The following GMIP variants were observed in gnomAD, a reference collection of about 807,000 sequenced individuals.
GMIP encodes GEM-interacting protein.
Under a neutral mutation model 105.3 loss-of-function variants are expected in GMIP, and 54 were observed. The observed-to-expected ratio is 0.51, with a 90% CI of 0.41 to 0.64. The LOEUF is 0.64. Among genes scored for constraint, GMIP ranks in the 30% least tolerant of loss-of-function variants. GMIP has a pLI of 0.00. For synonymous variants in GMIP, 541 were observed against 560.8 expected (o/e 0.96, Z 0.50); for missense variants, 1,110 against 1,319.4 (o/e 0.84, Z 2.46).
At position 19,633,992 on chromosome 19, in the gene GMIP, C is replaced by T. The variant is rs1259153181; in HGVS notation, c.2283G>A (p.Glu761=). Residue 761 remains glutamate, a synonymous_variant, in exon 19 of 21, where the codon GAG becomes GAA. Transcript: ENST00000203556. ...VHYEQIFGMD[E]LPQATEPPPQ... is the part of the protein sequence containing the mutation. ...GCGGGGGCTCAGTGGCCTGGGGGAG[C>T]TCATCCATCCCAAAGATCTGCTCGT... 5 of 1,603,320 alleles carry T rather than the reference C, an allele frequency of 3.1e-6. No individual in the cohort carries two copies. In the African/African-American group the frequency reaches 4.0e-5, roughly 13 times the overall value.
chr19:19,642,466 A>T, intron 2 of GMIP, 69 bp downstream of exon 2: 1 of 915,012 alleles, frequency 1.1e-6, no homozygotes, highest in East Asian at 2.4e-5. Flanking sequence ...TGGGACTGCA[A>T]GGCACCTAAA....
At chr19:19,642,296 T>A (rs1316594014) in intron 2 of GMIP, among the ~76,000 whole-genome samples, 2 of 151,876 alleles carry the variant, frequency 1.3e-5, no homozygotes, top group African/African-American at 2.4e-5. Flanking sequence ...ATCGCAAATA[T>A]TTTAAGGGGT....
chr19:19,636,988 G>A lies in GMIP; in HGVS notation c.1166C>T (p.Pro389Leu). ...DIRKKLSGPLPPRLDENSAEP... is the reference protein window; with the variant it reads ...DIRKKLSGPLLPRLDENSAEP... ...AGCTGAATTCTCATCCAGCCTTGGA[G>A]GAAGAGGCCCAGAGAGCTTCTTTCT... Residue 389 changes from proline (P) to leucine (L), a missense_variant, in exon 12 of 21, where the codon CCT becomes CTT. Physicochemically the swap from Pro to Leu is moderately conservative, Grantham distance 98. This residue lies in a region of GMIP where 667 missense variants were observed against 773.2 expected (regional missense o/e 0.86). Transcript: ENST00000203556. The A allele has an allele frequency of 1.3e-6, 2 of 1,582,324 alleles. No homozygotes were observed. Among genetic ancestry groups the A allele is most frequent in the Non-Finnish European group, 8.6e-7 (1 of 1,163,224 alleles).
Position 19,633,936 on chromosome 19 carries a change from AG to A in GMIP, c.2338del (p.Leu780SerfsTer21). ...GGGTGGCGGTTGGGAGCTGGTTGTG[AG>A]GGGCCCAGGGGCTGGGCTGGAGTCT... Reference protein sequence around the residue: ...PQDSSPAPGPLTTSSQPPPPH... With the variant: ...PQDSSPAPGPXTTSSQPPPPH... On this transcript the variant is annotated frameshift_variant, in exon 19 of 21. Transcript: ENST00000203556. LOFTEE classifies it high-confidence loss of function. 7.3e-7 allele frequency: 1 copy of A among 1,378,102 alleles called. No homozygotes were observed. Among genetic ancestry groups the A allele is most frequent in the Non-Finnish European group, 9.5e-7 (1 of 1,048,252 alleles). 85.4% of individuals were successfully genotyped at this position (1,378,102 alleles called of 1,614,324 possible).
chr19:19,637,566 C>G lies in GMIP; in HGVS notation c.928-5G>C. The G allele has an allele frequency of 6.6e-7, 1 of 1,514,590 alleles. No individual in the cohort carries two copies. Among genetic ancestry groups the G allele is most frequent in the South Asian group, 1.2e-5 (1 of 80,906 alleles). The allele number at this position is 1,514,590 out of a possible 1,614,324, so 93.8% of individuals were successfully genotyped here. On this transcript the variant is annotated splice_polypyrimidine_tract_variant and splice_region_variant and intron_variant, in intron 10 of 20. Transcript: ENST00000203556. This position sits in a 1 kb window ranked among gnomAD's most constrained non-coding sequence, Gnocchi z 6.7. Reference sequence around the variant, plus strand: ...CCCGAAGAGACTCAGCGTCACCTGCCGGGTGGAGACAGCAGGTTGGGGAGG... The same window carrying G: ...CCCGAAGAGACTCAGCGTCACCTGCGGGGTGGAGACAGCAGGTTGGGGAGG...
rs1025916263 is a variant in GMIP, at chr19:19,637,817, G to A, written c.927+103C>T. On this transcript the variant is annotated intron_variant, in intron 10 of 20. Transcript: ENST00000203556. This position sits in a 1 kb window ranked among gnomAD's most constrained non-coding sequence, Gnocchi z 6.7. ...CGGGAACTGGCTGTCGAGGGAAATGGCCTAGTCCTGGTGTCTCCAGGGTGG... is the reference window on the plus strand; with the variant it reads ...CGGGAACTGGCTGTCGAGGGAAATGACCTAGTCCTGGTGTCTCCAGGGTGG... 1.4e-5 allele frequency: 18 copies of A among 1,266,332 alleles called. No individual in the cohort carries two copies. Among genetic ancestry groups the A allele is most frequent in the Non-Finnish European group, 2.0e-5 (18 of 912,294 alleles). The allele number at this position is 1,266,332 out of a possible 1,614,324, so 78.4% of individuals were successfully genotyped here. A position where few individuals can be genotyped will look rare whatever the true frequency, so the allele number is the denominator to read the frequency against.
At position 19,641,816 on chromosome 19, in the gene GMIP, G is replaced by T. The variant is rs752254005; in HGVS notation, c.232C>A (p.Leu78Ile). The T allele has an allele frequency of 3.1e-6, 5 of 1,610,434 alleles. No individual in the cohort carries two copies. The highest frequency in any genetic ancestry group is 2.5e-6 in the Non-Finnish European group (3 of 1,178,440). The change falls in exon 4 of 21, where the codon CTC (leucine) becomes ATC (isoleucine). Residue 78 changes from leucine (L) to isoleucine (I), a missense_variant. Coordinates refer to ENST00000203556, the MANE Select transcript of GMIP (RefSeq NM_016573.4). ...SGPSPEGPVP[L>I]TGEELDLRLI... is the part of the protein sequence containing the mutation. ...GGCCTCCAGACCCCCCTACCTGTGA[G>T]GGGTACAGGACCCTCTGGGGAGGGG...
At chr19:19,641,218 C>T (rs994900852) in intron 4 of GMIP, among the ~76,000 whole-genome samples, 1 of 151,920 alleles carries the variant, frequency 6.6e-6, no homozygotes, top group Admixed American at 6.6e-5. Flanking sequence ...GTATCTGGGA[C>T]TACAGGCACT....
Position 19,633,837 on chromosome 19 carries a change from G to A in GMIP, c.2438C>T (p.Thr813Ile). 6.7e-7 allele frequency: 1 copy of A among 1,499,194 alleles called. No individual in the cohort carries two copies. Among genetic ancestry groups the A allele is most frequent in the Non-Finnish European group, 8.9e-7 (1 of 1,125,488 alleles). 92.9% of individuals were successfully genotyped at this position (1,499,194 alleles called of 1,614,324 possible). A position where few individuals can be genotyped will look rare whatever the true frequency, so the allele number is the denominator to read the frequency against. ...TGTGGCCGTGGGATGCTGCTCCAGG[G>A]TACTGTGGTGCTGGGGGTCTGGGCC... The part of the protein sequence containing the change: ...DPGPDPQHHS[T>I]LEQHPTATPT... The change falls in exon 19 of 21, where the codon ACC becomes ATC. Residue 813 changes from threonine to isoleucine, a missense_variant. By Grantham distance (89) the Thr-to-Ile change is moderately conservative (BLOSUM62 -1). This residue lies in a region of GMIP where 394 missense variants were observed against 450.5 expected (regional missense o/e 0.87). Transcript: ENST00000203556.
chr19:19,643,635 G>C lies in GMIP; in HGVS notation c.-106C>G, dbSNP rs1367221178. The C allele has an allele frequency of 9.9e-7, 1 of 1,012,092 alleles. No homozygotes were observed. Among genetic ancestry groups the C allele is most frequent in the Non-Finnish European group, 1.4e-6 (1 of 702,520 alleles). 62.7% of individuals were successfully genotyped at this position (1,012,092 alleles called of 1,614,324 possible). ...CCGCCGCAGCCGCCGCCGCCGCCTC[G>C]GTTCCGCGTCGCCCTGCCCAGCGGA... On this transcript the variant is annotated 5_prime_UTR_variant, in exon 1 of 21. Transcript: ENST00000203556.
At position 19,637,242 on chromosome 19, in the gene GMIP, C is replaced by T. The variant is rs2061864522; in HGVS notation, c.1124+123G>A. On this transcript the variant is annotated intron_variant, in intron 11 of 20. Coordinates refer to ENST00000203556, the MANE Select transcript of GMIP (RefSeq NM_016573.4). The surrounding 1 kb of genome is among the most constrained non-coding windows in gnomAD (Gnocchi z 6.7). ...TTCACCCTCCTATGGCCCCCGAGAG[C>T]CTGGAGTACTAAATTCCACTAAGGC... 1.4e-6 allele frequency: 1 copy of T among 740,464 alleles called. No individual in the cohort carries two copies. Among genetic ancestry groups the T allele is most frequent in the African/African-American group, 1.8e-5 (1 of 56,032 alleles). The allele number at this position is 740,464 out of a possible 1,614,324, so 45.9% of individuals were successfully genotyped here.
chr19:19,637,572 G>C lies in GMIP; in HGVS notation c.928-11C>G. On this transcript the variant is annotated splice_polypyrimidine_tract_variant and intron_variant, in intron 10 of 20. Transcript: ENST00000203556. The surrounding 1 kb of genome is among the most constrained non-coding windows in gnomAD (Gnocchi z 6.7). ...GAGACTCAGCGTCACCTGCCGGGTGGAGACAGCAGGTTGGGGAGGGGCGGA... is the reference window on the plus strand; with the variant it reads ...GAGACTCAGCGTCACCTGCCGGGTGCAGACAGCAGGTTGGGGAGGGGCGGA... 1.3e-6 allele frequency: 2 copies of C among 1,509,988 alleles called. No individual in the cohort carries two copies. Among genetic ancestry groups the C allele is most frequent in the Non-Finnish European group, 1.8e-6 (2 of 1,135,954 alleles). 93.5% of individuals were successfully genotyped at this position (1,509,988 alleles called of 1,614,324 possible). A position where few individuals can be genotyped will look rare whatever the true frequency, so the allele number is the denominator to read the frequency against.
At chr19:19,640,672 C>A in intron 4 of GMIP, 101 bp from the exon 5 acceptor site, 1 of 1,148,378 alleles carries the variant, frequency 8.7e-7, no homozygotes, top group South Asian at 1.4e-5. Context: ...CCTACAGCCT[C>A]ACAGCTCCCC....
Position 19,643,579 on chromosome 19 carries a change from C to G in GMIP, c.-50G>C. On this transcript the variant is annotated 5_prime_UTR_variant, in exon 1 of 21. Transcript: ENST00000203556. ...AGGGACCGGGATGGGGATGGGGTCG[C>G]GCGCCGGCGGGGCCGAGCCCCGATT... 6.7e-7 allele frequency: 1 copy of G among 1,495,646 alleles called. No homozygotes were observed. Among genetic ancestry groups the G allele is most frequent in the East Asian group, 2.7e-5 (1 of 37,376 alleles). 92.6% of individuals were successfully genotyped at this position (1,495,646 alleles called of 1,614,324 possible).
At chr19:19,642,192 T>G in intron 2 of GMIP, 141 bp from the exon 3 acceptor site, 1 of 610,284 alleles carries the variant, frequency 1.6e-6, no homozygotes, top group Admixed American at 3.0e-5. Context: ...AATGGTGTTT[T>G]GGGGGAATCA....
rs1194736956 is a variant in GMIP, at chr19:19,634,212, AG to A, written c.2085-23del. ...CACCCTGGGGATGGTGTGAAGAGAA[AG>A]GTCAGGGTACAGGATGCAAGCTCAT... On this transcript the variant is annotated intron_variant, in intron 18 of 20. Coordinates refer to ENST00000203556, the MANE Select transcript of GMIP (RefSeq NM_016573.4). The surrounding 1 kb of genome is among the most constrained non-coding windows in gnomAD (Gnocchi z 6.1). The A allele has an allele frequency of 6.4e-7, 1 of 1,565,352 alleles. No individual in the cohort carries two copies. Among genetic ancestry groups the A allele is most frequent in the East Asian group, 2.3e-5 (1 of 44,076 alleles).
rs904720339 is a variant in GMIP at position 19,643,608 on chromosome 19, TGCCGCCGCA to T, written c.-88_-80del. 9 of 1,320,138 alleles carry T rather than the reference TGCCGCCGCA, an allele frequency of 6.8e-6. No homozygotes were observed. Among genetic ancestry groups the T allele is most frequent in the East Asian group, 2.8e-5 (1 of 35,650 alleles). 81.8% of individuals were successfully genotyped at this position (1,320,138 alleles called of 1,614,324 possible). A position where few individuals can be genotyped will look rare whatever the true frequency, so the allele number is the denominator to read the frequency against. ...CCGGCGGGGCCGAGCCCCGATTTCC[TGCCGCCGCA>T]GCCGCCGCCGCCGCCTCGGTTCCGC... On this transcript the variant is annotated 5_prime_UTR_variant, in exon 1 of 21. Coordinates refer to ENST00000203556, the MANE Select transcript of GMIP (RefSeq NM_016573.4).
chr19:19,631,475 C>T (rs1406603801), intron 19 of GMIP, among the ~76,000 whole-genome samples: 4 of 152,210 alleles, frequency 2.6e-5, no homozygotes, highest in Non-Finnish European at 5.9e-5. Context: ...CTTTATGAGG[C>T]ATTCCAGCTC....
Position 19,637,283 on chromosome 19 carries a change from C to T in GMIP, c.1124+82G>A. The T allele has an allele frequency of 9.8e-7, 1 of 1,016,084 alleles. No homozygotes were observed. Among genetic ancestry groups the T allele is most frequent in the Non-Finnish European group, 1.4e-6 (1 of 692,590 alleles). The allele number at this position is 1,016,084 out of a possible 1,614,324, so 62.9% of individuals were successfully genotyped here. On this transcript the variant is annotated intron_variant, in intron 11 of 20. Coordinates refer to ENST00000203556, the MANE Select transcript of GMIP (RefSeq NM_016573.4). The surrounding 1 kb of genome is among the most constrained non-coding windows in gnomAD (Gnocchi z 6.7). The stretch of plus-strand genomic sequence containing the variant: ...CCACTAAGGCTTTGCGTTCTCTAAC[C>T]TCGAGTAACCAGCCTGCGGTGCCAA...
Sources: allele counts gnomAD v4.1 joint callset (sites outside exome capture counted in the v4.1 genomes callset), GRCh38; gene constraint gnomAD v4.1.1; regional missense constraint gnomAD v4.1.1; non-coding constraint Gnocchi (gnomAD v3.1); transcripts MANE v1.5; gene names NCBI Gene and HGNC (gene_info 2026-07-23, HGNC 2026-07-21).